The following GLYCTK variants were observed in gnomAD, a reference collection of about 807,000 sequenced individuals.
GLYCTK encodes the protein glycerate kinase.
A neutral mutation model predicts 24.8 loss-of-function variants in GLYCTK; 22 were observed. That is an observed-to-expected ratio of 0.89 (90% CI 0.63 to 1.27). The LOEUF is 1.27. GLYCTK is among the 50% of genes most tolerant of loss of function. GLYCTK has a pLI of 0.00. For synonymous variants in GLYCTK, 320 were observed against 297.2 expected (o/e 1.08, Z -0.79); for missense variants, 684 against 686.7 (o/e 1.00, Z 0.04).
Position 52,291,768 on chromosome 3 carries a change from C to T in GLYCTK, c.551C>T (p.Pro184Leu), listed in dbSNP as rs1394879511. 6 of 1,613,530 alleles carry T rather than the reference C, an allele frequency of 3.7e-6. No homozygotes were observed. The African/African-American group carries it at 5.3e-5, about 14-fold the overall frequency. The change falls in exon 4 of 5, where the codon CCT (proline) becomes CTT (leucine). Residue 184 changes from proline to leucine, a missense_variant. Coordinates refer to ENST00000436784, the MANE Select transcript of GLYCTK (RefSeq NM_145262.4). ...LISGGGSALL[P>L]APIPPVTLEE... ...AGAGGTGGGGGTTCAGCTCTGCTGCCTGCCCCCATCCCACCTGTCACACTG... is the reference window on the plus strand; with the variant it reads ...AGAGGTGGGGGTTCAGCTCTGCTGCTTGCCCCCATCCCACCTGTCACACTG...
At position 52,294,649 on chromosome 3, in the gene GLYCTK, G is replaced by A; in HGVS notation, c.*1523G>A. On this transcript the variant is annotated 3_prime_UTR_variant, in exon 5 of 5. Coordinates refer to ENST00000436784, the MANE Select transcript of GLYCTK (RefSeq NM_145262.4). ...CTGCTGACTAGGGTCACAGTCTCTG[G>A]GGTTATGGTGATCCTCGCATGATCC... 1 of 446,460 alleles carries A rather than the reference G, an allele frequency of 2.2e-6. No homozygotes were observed. 27.7% of individuals were successfully genotyped at this position (446,460 alleles called of 1,614,324 possible).
At position 52,292,746 on chromosome 3, in the gene GLYCTK, G is replaced by T; in HGVS notation, c.1192G>T (p.Gly398Ter). ...GGAGGCTCTGGAGACCATGGCATGG[G>T]GAAGGGGCCCAGTCTGCCTGCTGGC... ...LEEALETMAWGRGPVCLLAGG... is the reference protein window; with the variant it reads ...LEEALETMAW The change falls in exon 5 of 5, where the codon GGA (glycine) becomes TGA (stop). Residue 398 changes from glycine to a stop codon, truncating the protein, a stop_gained. Coordinates refer to ENST00000436784, the MANE Select transcript of GLYCTK (RefSeq NM_145262.4). LOFTEE classifies it high-confidence loss of function. 2 of 1,608,520 alleles carry T rather than the reference G, an allele frequency of 1.2e-6. No homozygotes were observed. Among genetic ancestry groups the T allele is most frequent in the South Asian group, 1.1e-5 (1 of 90,756 alleles).
Position 52,292,884 on chromosome 3 carries a change from G to A in GLYCTK, c.1330G>A (p.Val444Met), listed in dbSNP as rs1409300091. 4 of 1,614,106 alleles carry A rather than the reference G, an allele frequency of 2.5e-6. No homozygotes were observed. The highest frequency in any genetic ancestry group is 3.4e-6 in the Non-Finnish European group (4 of 1,180,030). The change falls in exon 5 of 5, where the codon GTG (valine) becomes ATG (methionine). Residue 444 changes from valine to methionine, a missense_variant. Val to Met is a conservative substitution (Grantham distance 21). Transcript: ENST00000436784. ...LRRWPLGPID[V>M]LFLSGGTDGQ... ...AAGGTGGCCGCTGGGGCCGATAGAT[G>A]TGCTGTTTTTGAGCGGTGGCACCGA...
At position 52,292,979 on chromosome 3, in the gene GLYCTK, T is replaced by C. The variant is rs749088667; in HGVS notation, c.1425T>C (p.Ala475=). Residue 475 remains alanine, a synonymous_variant, in exon 5 of 5, where the codon GCT becomes GCC. Transcript: ENST00000436784. The part of the protein sequence containing the change: ...VTPELASQAA[A]EGLDIATFLA... Reference sequence around the variant, plus strand: ...CTGAGCTTGCCAGCCAGGCTGCAGCTGAGGGCCTGGACATAGCCACCTTCC... The same window carrying C: ...CTGAGCTTGCCAGCCAGGCTGCAGCCGAGGGCCTGGACATAGCCACCTTCC... 6.2e-7 allele frequency: 1 copy of C among 1,614,142 alleles called. No homozygotes were observed. The highest frequency in any genetic ancestry group is 1.7e-5 in the Admixed American group (1 of 60,028).
In GLYCTK at chr3:52,294,988, T is replaced by G. The variant is rs1467749025; in HGVS notation, c.*1862T>G. The stretch of plus-strand genomic sequence containing the variant: ...CCCTGCTGAGGGCTTTGGGTATGGA[T>G]AGGATCTTGCAGGAGGTTCCCCCTG... On this transcript the variant is annotated 3_prime_UTR_variant, in exon 5 of 5. Coordinates refer to ENST00000436784, the MANE Select transcript of GLYCTK (RefSeq NM_145262.4). The G allele has an allele frequency of 4.4e-6, 2 of 453,940 alleles. No homozygotes were observed. The highest frequency in any genetic ancestry group is 1.4e-4 in the East Asian group (2 of 14,388). The allele number at this position is 453,940 out of a possible 1,614,324, so 28.1% of individuals were successfully genotyped here.
At position 52,290,445 on chromosome 3, in the gene GLYCTK, G is replaced by A; in HGVS notation, c.103G>A (p.Ala35Thr). ...CCGTCTGGCCAGCAGCATGGCCTTGGCAGAGCAGGCCAGGCAGCTGTTTGA... is the reference window on the plus strand; with the variant it reads ...CCGTCTGGCCAGCAGCATGGCCTTGACAGAGCAGGCCAGGCAGCTGTTTGA... ...VARLASSMAL[A>T]EQARQLFESA... is the part of the protein sequence containing the mutation. Residue 35 changes from alanine to threonine, a missense_variant, in exon 2 of 5, where the codon GCA becomes ACA. Coordinates refer to ENST00000436784, the MANE Select transcript of GLYCTK (RefSeq NM_145262.4). 6.2e-7 allele frequency: 1 copy of A among 1,612,340 alleles called. No homozygotes were observed.
chr3:52,292,004 C>A, intron 4 of GLYCTK, 82 bp downstream of exon 4: 1 of 1,393,798 alleles, frequency 7.2e-7, no homozygotes, highest in Non-Finnish European at 1.0e-6. Context: ...GCTAGAACAG[C>A]ATATAGATTG....
chr3:52,295,042 TGTTTGTAG>T lies in GLYCTK; in HGVS notation c.*1918_*1925del, dbSNP rs1313153957. Reference sequence around the variant, plus strand: ...TACATTGACCCCTTCCCTATACTTCTGTTTGTAGGGGCTGGGAGGCCAGGGCCCGGATT... The same window carrying T: ...TACATTGACCCCTTCCCTATACTTCTGGGCTGGGAGGCCAGGGCCCGGATT... On this transcript the variant is annotated 3_prime_UTR_variant, in exon 5 of 5. Transcript: ENST00000436784. The T allele has an allele frequency of 1.5e-5, 7 of 453,928 alleles. No homozygotes were observed. The highest frequency in any genetic ancestry group is 1.2e-4 in the Admixed American group (5 of 42,566). The allele number at this position is 453,928 out of a possible 1,614,324, so 28.1% of individuals were successfully genotyped here. A position where few individuals can be genotyped will look rare whatever the true frequency, so the allele number is the denominator to read the frequency against.
rs1700466119 is a variant in GLYCTK at position 52,291,432 on chromosome 3, C to T, written c.530-315C>T. On this transcript the variant is annotated intron_variant, in intron 3 of 4. Transcript: ENST00000436784. ...TTGCTGCTGTCTGTACTAATGTCAC[C>T]TGGGGCTAGGCCCTCAGACCTCATG... 3 of 580,178 alleles carry T rather than the reference C, an allele frequency of 5.2e-6. No individual in the cohort carries two copies. In the Admixed American group the frequency reaches 9.1e-5, roughly 18 times the overall value. 35.9% of individuals were successfully genotyped at this position (580,178 alleles called of 1,614,324 possible). A position where few individuals can be genotyped will look rare whatever the true frequency, so the allele number is the denominator to read the frequency against.
In GLYCTK at chr3:52,292,937, T is replaced by G. The variant is rs1429024177; in HGVS notation, c.1383T>G (p.Ala461=). ...GGCAGGATGGGCCCACAGAGGCTGC[T>G]GGGGCCTGGGTCACACCTGAGCTTG... is the stretch of plus-strand genomic sequence containing the variant. The part of the protein sequence containing the change: ...TDGQDGPTEA[A]GAWVTPELAS... The change falls in exon 5 of 5, where the codon GCT becomes GCG. Residue 461 remains alanine (A), a synonymous_variant. Transcript: ENST00000436784. 1 of 1,613,938 alleles carries G rather than the reference T, an allele frequency of 6.2e-7. No homozygotes were observed. Among genetic ancestry groups the G allele is most frequent in the East Asian group, 2.2e-5 (1 of 44,894 alleles).
rs1461916665 is a variant in GLYCTK at position 52,293,975 on chromosome 3, G to A, written c.*849G>A. The A allele has an allele frequency of 4.5e-6, 2 of 441,056 alleles. No homozygotes were observed. The highest frequency in any genetic ancestry group is 2.4e-5 in the Admixed American group (1 of 42,026). The allele number at this position is 441,056 out of a possible 1,614,324, so 27.3% of individuals were successfully genotyped here. The stretch of plus-strand genomic sequence containing the variant: ...CTAGTTCCTTCAGCCACTCCTCTGG[G>A]GACCAAGTCCAGACCCTGAAGTCAG... On this transcript the variant is annotated 3_prime_UTR_variant, in exon 5 of 5. Transcript: ENST00000436784.
At chr3:52,291,263 G>A (rs563319280) in intron 3 of GLYCTK, 152 bp downstream of exon 3, 30 of 958,370 alleles carry the variant, frequency 3.1e-5, no homozygotes, top group Admixed American at 6.2e-5. Flanking sequence ...CTCCTGGGTT[G>A]CCTTGGGCTA....
chr3:52,294,515 ACGTG>A lies in GLYCTK; in HGVS notation c.*1390_*1393del, dbSNP rs1388570117. The stretch of plus-strand genomic sequence containing the variant: ...AGGCTGGAGATTGGGAGGGAGGTAA[ACGTG>A]GTAAGCGGGCTCTGGGGACCAGGGA... On this transcript the variant is annotated 3_prime_UTR_variant, in exon 5 of 5. Coordinates refer to ENST00000436784, the MANE Select transcript of GLYCTK (RefSeq NM_145262.4). 2.6e-6 allele frequency: 1 copy of A among 384,816 alleles called. No homozygotes were observed. Among genetic ancestry groups the A allele is most frequent in the Non-Finnish European group, 5.2e-6 (1 of 194,040 alleles). 23.8% of individuals were successfully genotyped at this position (384,816 alleles called of 1,614,324 possible).
At chr3:52,291,656 C>T in intron 3 of GLYCTK, 91 bp from the exon 4 acceptor site, 1 of 1,254,896 alleles carries the variant, frequency 8.0e-7, no homozygotes, top group Non-Finnish European at 1.2e-6. Context: ...CTTTCCAGCC[C>T]CCTTTTTCTA....
chr3:52,291,314 G>T, intron 3 of GLYCTK: 1 of 635,444 alleles, frequency 1.6e-6, no homozygotes, highest in Non-Finnish European at 2.8e-6. Flanking sequence ...CTCCCCCTGA[G>T]CTGACCTTTT....
Position 52,294,488 on chromosome 3 carries a change from G to T in GLYCTK, c.*1362G>T, listed in dbSNP as rs919159016. The T allele has an allele frequency of 5.1e-6, 2 of 394,410 alleles. No individual in the cohort carries two copies. Among genetic ancestry groups the T allele is most frequent in the South Asian group, 3.7e-5 (2 of 54,136 alleles). 24.4% of individuals were successfully genotyped at this position (394,410 alleles called of 1,614,324 possible). On this transcript the variant is annotated 3_prime_UTR_variant, in exon 5 of 5. Transcript: ENST00000436784. ...GACCTGGGGGCCTGGCTCACACAGG[G>T]CAGGCTGGAGATTGGGAGGGAGGTA...
At chr3:52,291,712 A>G (rs1202695732) in intron 3 of GLYCTK, 35 bp from the exon 4 acceptor site, 1 of 1,604,850 alleles carries the variant, frequency 6.2e-7, no homozygotes. Context: ...GGGTTGGGAT[A>G]GCCCCTCTAC....
In GLYCTK at chr3:52,294,403, CT is replaced by C. The variant is rs763371617; in HGVS notation, c.*1278del. On this transcript the variant is annotated 3_prime_UTR_variant, in exon 5 of 5. Transcript: ENST00000436784. ...GGGCCAGGGCTGGCAGGACTTTCCC[CT>C]GGGAAGGGTTTCCCTTCCCCACCTG... The C allele has an allele frequency of 3.9e-6, 2 of 513,076 alleles. No individual in the cohort carries two copies. Among genetic ancestry groups the C allele is most frequent in the Non-Finnish European group, 8.0e-6 (2 of 250,792 alleles). 31.8% of individuals were successfully genotyped at this position (513,076 alleles called of 1,614,324 possible).
At position 52,294,360 on chromosome 3, in the gene GLYCTK, A is replaced by C. The variant is rs1404645117; in HGVS notation, c.*1234A>C. ...CACCCCAACCCTCCCCTCCTCCCTG[A>C]GGGTGTGGAGGGGCCCTGGGCCAGG... On this transcript the variant is annotated 3_prime_UTR_variant, in exon 5 of 5. Transcript: ENST00000436784. 1.9e-6 allele frequency: 1 copy of C among 533,268 alleles called. No individual in the cohort carries two copies. Among genetic ancestry groups the C allele is most frequent in the African/African-American group, 1.9e-5 (1 of 51,928 alleles). The allele number at this position is 533,268 out of a possible 1,614,324, so 33.0% of individuals were successfully genotyped here.
Sources: gnomAD v4.1 joint callset for allele counts on GRCh38, gnomAD v4.1.1 for gene constraint, MANE v1.5 for transcripts, NCBI Gene and HGNC (gene_info 2026-07-23, HGNC 2026-07-21) for gene names.